Variants in GPC5 observed in about 807,000 individuals in gnomAD.
GPC5 encodes the protein glypican-5.
A neutral mutation model predicts 53.9 loss-of-function variants in GPC5; 47 were observed. The observed-to-expected ratio is 0.87, with a 90% CI of 0.69 to 1.11. The LOEUF (loss-of-function observed/expected upper bound fraction) is 1.11. GPC5 is among the 50% of genes most tolerant of loss of function. GPC5 has a pLI of 0.00. For missense variants in GPC5, 748 were observed against 713.1 expected (o/e 1.05, Z -0.56); for synonymous variants, 286 against 263.3 (o/e 1.09, Z -0.84).
At chr13:92,797,213 T>C (rs1227012252) in intron 7 of GPC5, among the ~76,000 whole-genome samples, 1 of 151,954 alleles carries the variant, frequency 6.6e-6, no homozygotes, top group Admixed American at 6.6e-5. Context: ...CTAATAATAA[T>C]GATGAATGTT....
chr13:91,598,700 AC>A, intron 2 of GPC5, among the ~76,000 whole-genome samples: 1 of 151,634 alleles, frequency 6.6e-6, no homozygotes, highest in African/African-American at 2.4e-5. Flanking sequence ...ATGTCATATG[AC>A]CCCAGGGCAA....
chr13:92,435,750 G>A (rs1168846279), intron 7 of GPC5, among the ~76,000 whole-genome samples: 2 of 152,160 alleles, frequency 1.3e-5, no homozygotes, highest in African/African-American at 4.8e-5. Context: ...ATGATTATAT[G>A]TGTGAACGTT....
At chr13:91,708,514 C>T (rs1304240990) in intron 3 of GPC5, among the ~76,000 whole-genome samples, 1 of 152,044 alleles carries the variant, frequency 6.6e-6, no homozygotes, top group Non-Finnish European at 1.5e-5. Flanking sequence ...TTGCCAGGGG[C>T]TAAGAGGTGC....
intron 7 of GPC5, among the ~76,000 whole-genome samples, chr13:92,764,026 C>A (rs1875295856): frequency 6.6e-6 from 1 of 152,162 alleles, no homozygotes; most frequent in Admixed American, 6.5e-5. Context: ...TAGGGCTGGG[C>A]TGTCCCAGCT....
intron 7 of GPC5, among the ~76,000 whole-genome samples, chr13:92,487,377 G>A (rs1412876569): frequency 6.6e-6 from 1 of 152,102 alleles, no homozygotes; most frequent in Non-Finnish European, 1.5e-5. Context: ...TGCCTGAAGG[G>A]AATTTATAAC....
intron 7 of GPC5, among the ~76,000 whole-genome samples, chr13:92,352,108 A>G (rs2043483056): frequency 6.6e-6 from 1 of 152,194 alleles, no homozygotes; most frequent in South Asian, 2.1e-4. Context: ...AACAGTCAGA[A>G]TGCTGAGAAA....
At chr13:92,764,632 T>C (rs561635198) in intron 7 of GPC5, among the ~76,000 whole-genome samples, 3 of 152,298 alleles carry the variant, frequency 2.0e-5, no homozygotes, top group Non-Finnish European at 4.4e-5. Context: ...GATAGAGTGG[T>C]AGAGGTAGAG....
At chr13:91,949,705 C>T (rs1030692216) in intron 6 of GPC5, among the ~76,000 whole-genome samples, 5 of 152,074 alleles carry the variant, frequency 3.3e-5, no homozygotes, top group South Asian at 4.1e-4. Flanking sequence ...ATGCCAAATG[C>T]CTTAAGGCTT....
intron 6 of GPC5, among the ~76,000 whole-genome samples, chr13:92,019,024 G>T (rs1235868521): frequency 6.6e-6 from 1 of 151,778 alleles, no homozygotes; most frequent in Non-Finnish European, 1.5e-5. Context: ...GTGTATGTTC[G>T]ATATTGTTTC....
chr13:91,616,970 C>T (rs1479816860), intron 2 of GPC5, among the ~76,000 whole-genome samples: 1 of 151,992 alleles, frequency 6.6e-6, no homozygotes, highest in Non-Finnish European at 1.5e-5. Context: ...GTTCAAATTT[C>T]TACTTAAAAG....
intron 7 of GPC5, among the ~76,000 whole-genome samples, chr13:92,593,185 G>A (rs1452506091): frequency 6.6e-6 from 1 of 150,988 alleles, no homozygotes; most frequent in Admixed American, 6.6e-5. Flanking sequence ...ATCTCTGTCT[G>A]TTGAAAACTG....
intron 7 of GPC5, among the ~76,000 whole-genome samples, chr13:92,506,814 G>A (rs4601900): frequency 0.012 from 1,792 of 152,160 alleles, 21 homozygotes; most frequent in Non-Finnish European, 0.018. Context: ...ATAGCCTGTC[G>A]CAGGCTCGAT....
At chr13:92,303,968 A>C (rs753848333) in intron 7 of GPC5, among the ~76,000 whole-genome samples, 1 of 152,202 alleles carries the variant, frequency 6.6e-6, no homozygotes, top group Non-Finnish European at 1.5e-5. Flanking sequence ...AAGACTCAAC[A>C]TGCTAAGGTA....
chr13:91,907,855 G>T, intron 5 of GPC5, 82 bp from the exon 6 acceptor site: 2 of 1,434,660 alleles, frequency 1.4e-6, no homozygotes, highest in South Asian at 1.2e-5. Flanking sequence ...AGGAAATTCC[G>T]ACCTCAAATA....
intron 5 of GPC5, among the ~76,000 whole-genome samples, chr13:91,766,024 A>G (rs1233527432): frequency 1.3e-5 from 2 of 152,250 alleles, no homozygotes; most frequent in African/African-American, 4.8e-5. Flanking sequence ...CACAATAAAA[A>G]TAACTTTGTC....
chr13:92,031,209 C>A (rs2040838949), intron 6 of GPC5, among the ~76,000 whole-genome samples: 1 of 152,100 alleles, frequency 6.6e-6, no homozygotes, highest in Admixed American at 6.6e-5. Flanking sequence ...ACCCTTAAAA[C>A]CTCTTTTTCT....
intron 7 of GPC5, among the ~76,000 whole-genome samples, chr13:92,277,373 C>G (rs187067470): frequency 9.9e-5 from 15 of 152,012 alleles, no homozygotes; most frequent in African/African-American, 3.6e-4. Flanking sequence ...AACAACAATT[C>G]AGTTAGAATT....
intron 7 of GPC5, among the ~76,000 whole-genome samples, chr13:92,783,089 A>G (rs1170883518): frequency 6.6e-6 from 1 of 152,200 alleles, no homozygotes; most frequent in Non-Finnish European, 1.5e-5. Flanking sequence ...TATTGTTTAT[A>G]CAATCTCAAA....
chr13:92,651,454 G>T (rs1429274305), intron 7 of GPC5, among the ~76,000 whole-genome samples: 1 of 151,994 alleles, frequency 6.6e-6, no homozygotes. Context: ...CCAATTGAGG[G>T]GCATTCTACA....
Sources: allele counts gnomAD v4.1 joint callset (sites outside exome capture counted in the v4.1 genomes callset), GRCh38; gene constraint gnomAD v4.1.1; transcripts MANE v1.5; gene names NCBI Gene and HGNC (gene_info 2026-07-23, HGNC 2026-07-21).